KCNIP4: variants seen among roughly 807,000 people sequenced by gnomAD.
KCNIP4 encodes Kv channel-interacting protein 4.
Under a neutral mutation model 34.0 loss-of-function variants are expected in KCNIP4, and 12 were observed. The ratio of observed to expected loss-of-function variants is 0.35; its 90% CI spans 0.23 to 0.57. The LOEUF is 0.57. Ranked by LOEUF, KCNIP4 falls within the 20% of genes least tolerant of loss-of-function variation. The pLI is 0.83. For synonymous variants in KCNIP4, 124 were observed against 102.2 expected (o/e 1.21, Z -1.29); for missense variants, 238 against 311.7 (o/e 0.76, Z 1.78).
At chr4:21,319,494 C>T (rs765700135) in intron 1 of KCNIP4, among the ~76,000 whole-genome samples, 7 of 152,226 alleles carry the variant, frequency 4.6e-5, no homozygotes, top group Non-Finnish European at 1.0e-4. Flanking sequence ...GCTACCACCA[C>T]TCTGCAGCTC....
intron 1 of KCNIP4, among the ~76,000 whole-genome samples, chr4:21,604,018 T>A (rs1326426776): frequency 6.6e-6 from 1 of 152,100 alleles, no homozygotes; most frequent in Non-Finnish European, 1.5e-5. Context: ...TAATGGGAAA[T>A]CTAAGATTTT....
At position 20,728,918 on chromosome 4, in the gene KCNIP4, A is replaced by ATGAT. The variant is rs10695080; in HGVS notation, c.*1160_*1163dup. 49,925 of 152,094 alleles carry ATGAT rather than the reference A, an allele frequency of 0.33. 8,620 individuals carry two copies. The highest frequency in any genetic ancestry group is 0.43 in the African/African-American group (17,915 of 41,392). 9.4% of individuals were successfully genotyped at this position (152,094 alleles called of 1,614,324 possible). A position where few individuals can be genotyped will look rare whatever the true frequency, so the allele number is the denominator to read the frequency against. On this transcript the variant is annotated 3_prime_UTR_variant, in exon 9 of 9. Transcript: ENST00000382152. ...TGGCAACTTTACAGTTTTGGCTAAG[A>ATGAT]TGATTAAAAATAATCTGAATTATGA...
chr4:21,388,817 T>C (rs1722272015), intron 1 of KCNIP4, among the ~76,000 whole-genome samples: 1 of 152,196 alleles, frequency 6.6e-6, no homozygotes, highest in Admixed American at 6.5e-5. Context: ...TGACCCATGT[T>C]GTATCAGTAA....
intron 1 of KCNIP4, among the ~76,000 whole-genome samples, chr4:21,221,201 T>C (rs945632626): frequency 1.3e-5 from 2 of 152,186 alleles, no homozygotes; most frequent in Non-Finnish European, 1.5e-5. Flanking sequence ...TCCAGTTTTT[T>C]TGAGGGCAGG....
At chr4:21,140,998 G>C (rs1349102707) in intron 1 of KCNIP4, among the ~76,000 whole-genome samples, 3 of 152,156 alleles carry the variant, frequency 2.0e-5, no homozygotes, top group African/African-American at 7.2e-5. Flanking sequence ...GCATAACTTG[G>C]AGATGCTGTG....
At chr4:20,974,867 A>G (rs1322240495) in intron 1 of KCNIP4, among the ~76,000 whole-genome samples, 1 of 152,230 alleles carries the variant, frequency 6.6e-6, no homozygotes, top group Admixed American at 6.5e-5. Flanking sequence ...GATTGAATAC[A>G]TGATTATGCT....
Position 20,760,583 on chromosome 4 carries a change from A to G in KCNIP4, c.289-1693T>C, listed in dbSNP as rs1435066274. ...AGTTTCAATGTGAATTTGTGTTTAC[A>G]GAGCTTCTCGATATGGTTTTATCCC... is the stretch of plus-strand genomic sequence containing the variant. On this transcript the variant is annotated intron_variant, in intron 3 of 8. Coordinates refer to ENST00000382152, the MANE Select transcript of KCNIP4 (RefSeq NM_025221.6). Among the ~76,000 whole-genome samples, 4 of 152,188 alleles carry G rather than the reference A, an allele frequency of 2.6e-5. No individual in the cohort carries two copies. In the East Asian group the frequency reaches 7.7e-4, roughly 29 times the overall value.
chr4:21,803,541 C>CCT (rs2109256937), intron 1 of KCNIP4, among the ~76,000 whole-genome samples: 1 of 152,268 alleles, frequency 6.6e-6, no homozygotes, highest in East Asian at 1.9e-4. Context: ...CAACATTCAG[C>CCT]CTCTAACACT....
intron 1 of KCNIP4, among the ~76,000 whole-genome samples, chr4:21,071,217 T>C (rs1210293133): frequency 6.6e-6 from 1 of 152,204 alleles, no homozygotes; most frequent in Non-Finnish European, 1.5e-5. Flanking sequence ...ACAAGTTTCA[T>C]AGCATTACGT....
chr4:21,280,262 G>T (rs1446786466), intron 1 of KCNIP4, among the ~76,000 whole-genome samples: 1 of 152,184 alleles, frequency 6.6e-6, no homozygotes, highest in African/African-American at 2.4e-5. Flanking sequence ...CTTGGATCCT[G>T]AGACTATTTT....
intron 1 of KCNIP4, among the ~76,000 whole-genome samples, chr4:21,021,167 T>G (rs1462695896): frequency 1.3e-5 from 2 of 152,222 alleles, no homozygotes; most frequent in African/African-American, 4.8e-5. Flanking sequence ...TTTTAAGTAT[T>G]TGTGTATTTT....
At chr4:21,017,617 G>A (rs751735669) in intron 1 of KCNIP4, among the ~76,000 whole-genome samples, 1 of 152,120 alleles carries the variant, frequency 6.6e-6, no homozygotes, top group Non-Finnish European at 1.5e-5. Context: ...TTGATTCCAT[G>A]TCTTTGCTAT....
intron 3 of KCNIP4, among the ~76,000 whole-genome samples, chr4:20,811,525 ACGCG>A (rs1715765888): frequency 6.7e-6 from 1 of 149,228 alleles, no homozygotes; most frequent in East Asian, 1.9e-4. Flanking sequence ...GCGCGCGCGC[ACGCG>A]TGCACGCCAG....
chr4:21,046,099 AAGAC>A (rs1251691749), intron 1 of KCNIP4, among the ~76,000 whole-genome samples: 1 of 152,242 alleles, frequency 6.6e-6, no homozygotes, highest in Non-Finnish European at 1.5e-5. Flanking sequence ...TGAAATGCAA[AAGAC>A]AGAAAAGGAT....
chr4:21,541,779 AC>A (rs1358884739), intron 1 of KCNIP4, among the ~76,000 whole-genome samples: 3 of 151,686 alleles, frequency 2.0e-5, no homozygotes, highest in Non-Finnish European at 4.4e-5. Context: ...GTAGCTAGGA[AC>A]ACAGGCACCT....
At chr4:21,812,352 A>T (rs1382558085) in intron 1 of KCNIP4, among the ~76,000 whole-genome samples, 1 of 152,206 alleles carries the variant, frequency 6.6e-6, no homozygotes, top group East Asian at 1.9e-4. Context: ...GTGGGAATCC[A>T]GGCACAGATA....
At chr4:20,841,377 C>A (rs4697190) in intron 3 of KCNIP4, among the ~76,000 whole-genome samples, 59,191 of 151,878 alleles carry the variant, frequency 0.39, 12,060 homozygotes, top group Non-Finnish European at 0.46. Flanking sequence ...GGGAGGAGTC[C>A]ACAAGCAAAG....
chr4:21,561,970 A>T (rs1303273688), intron 1 of KCNIP4, among the ~76,000 whole-genome samples: 3 of 151,898 alleles, frequency 2.0e-5, no homozygotes, highest in African/African-American at 4.8e-5. Flanking sequence ...AAGGACAGAC[A>T]ATTAGGATGT....
rs540401842 is a variant in KCNIP4 at position 20,992,198 on chromosome 4, G to A, written c.62-109489C>T. On this transcript the variant is annotated intron_variant, in intron 1 of 8. Coordinates refer to ENST00000382152, the MANE Select transcript of KCNIP4 (RefSeq NM_025221.6). ...TGACTCACACTTCCTCATTGCTGGG[G>A]AAATTCCCATGGCCTCAGGAAATTT... Among the ~76,000 whole-genome samples the A allele has an allele frequency of 3.3e-5, 5 of 152,318 alleles. 1 individual carries two copies. Among genetic ancestry groups the A allele is most frequent in the African/African-American group, 9.6e-5 (4 of 41,574 alleles).
Sources: gnomAD v4.1 joint callset for allele counts (sites outside exome capture counted in the v4.1 genomes callset) on GRCh38, gnomAD v4.1.1 for gene constraint, MANE v1.5 for transcripts, NCBI Gene and HGNC (gene_info 2026-07-23, HGNC 2026-07-21) for gene names.